Variants in HIPK1 observed in about 807,000 individuals in gnomAD.
The protein encoded by HIPK1 is homeodomain-interacting protein kinase 1.
In HIPK1, 28 loss-of-function variants were observed where a neutral mutation model predicts 117.1. The ratio of observed to expected loss-of-function variants is 0.24; its 90% CI spans 0.18 to 0.33. HIPK1 has a LOEUF of 0.33. Ranked by LOEUF, HIPK1 falls within the 10% of genes least tolerant of loss-of-function variation. The pLI, the probability that HIPK1 is intolerant of heterozygous loss-of-function variation, is 1.00. For missense variants in HIPK1, 1,122 were observed against 1,475.1 expected (o/e 0.76, Z 3.92); for synonymous variants, 605 against 562.5 (o/e 1.08, Z -1.07).
intron 3 of HIPK1, 165 bp from the exon 4 acceptor site, chr1:113,954,486 C>T (rs1671579065): frequency 1.6e-6 from 1 of 627,102 alleles, no homozygotes; most frequent in Non-Finnish European, 2.6e-6. Context: ...GATACAGTAG[C>T]TGTGGATGGA....
Position 113,941,753 on chromosome 1 carries a change from TTTTA to T in HIPK1, c.1076+315_1076+318del, listed in dbSNP as rs570216685. Among the ~76,000 whole-genome samples the T allele has an allele frequency of 2.6e-5, 4 of 151,808 alleles. No homozygotes were observed. Among genetic ancestry groups the T allele is most frequent in the East Asian group, 3.8e-4 (2 of 5,200 alleles). Reference sequence around the variant, plus strand: ...TTACCTCATTTTCCCATTTTATTTATTTTATTTATTTATTTATTTATTTAGAGAC... The same window carrying T: ...TTACCTCATTTTCCCATTTTATTTATTTTATTTATTTATTTATTTAGAGAC... On this transcript the variant is annotated intron_variant, in intron 2 of 15. Transcript: ENST00000426820. The surrounding 1 kb of genome is among the most constrained non-coding windows in gnomAD (Gnocchi z 4.9).
intron 15 of HIPK1, 150 bp from the exon 16 acceptor site, chr1:113,972,873 AT>A (rs1672929138): frequency 1.2e-5 from 9 of 770,030 alleles, no homozygotes; most frequent in African/African-American, 1.8e-5. Context: ...GGGGTGGCTG[AT>A]TTCTGACAGC....
intron 8 of HIPK1, among the ~76,000 whole-genome samples, chr1:113,961,409 TATCCTA>T (rs1672093273): frequency 6.6e-6 from 1 of 152,228 alleles, no homozygotes; most frequent in African/African-American, 2.4e-5. Flanking sequence ...AAAATATTCT[TATCCTA>T]GGCATAATTT....
chr1:113,956,761 C>G lies in HIPK1; in HGVS notation c.1542C>G (p.Asn514Lys). The change falls in exon 6 of 16, where the codon AAC (asparagine) becomes AAG (lysine). Residue 514 changes from asparagine to lysine, a missense_variant. Transcript: ENST00000426820. The stretch of plus-strand genomic sequence containing the variant: ...GAATTACCCCTCTAAAAACTCTTAA[C>G]CATCAGTTTGTGACAATGACTCACC... ...DKRITPLKTL[N>K]HQFVTMTHLL... is the part of the protein sequence containing the mutation. The G allele has an allele frequency of 6.2e-7, 1 of 1,614,080 alleles. No homozygotes were observed. The highest frequency in any genetic ancestry group is 1.1e-5 in the South Asian group (1 of 91,080).
At chr1:113,938,761 T>C (rs1284631587) in intron 1 of HIPK1, among the ~76,000 whole-genome samples, 3 of 151,396 alleles carry the variant, frequency 2.0e-5, no homozygotes, top group Non-Finnish European at 4.4e-5. Context: ...TACAAAAAAA[T>C]TAACTGGGTG....
At chr1:113,939,153 T>G (rs538786115) in intron 1 of HIPK1, among the ~76,000 whole-genome samples, 11 of 151,910 alleles carry the variant, frequency 7.2e-5, no homozygotes, top group Admixed American at 6.6e-4. Context: ...CAGACATCCC[T>G]AATTTTTTTT....
chr1:113,969,326 T>C (rs1350069859), intron 13 of HIPK1, among the ~76,000 whole-genome samples: 1 of 152,184 alleles, frequency 6.6e-6, no homozygotes, highest in East Asian at 1.9e-4. Context: ...AGTCATTCTG[T>C]CCTGGGTCTG....
intron 4 of HIPK1, 28 bp from the exon 5 acceptor site, chr1:113,955,535 T>C: frequency 7.8e-7 from 1 of 1,287,090 alleles, no homozygotes; most frequent in Non-Finnish European, 1.1e-6. Context: ...ACAGATGGAA[T>C]TTAAGGAGGA....
chr1:113,957,807 G>A (rs1671823397), intron 7 of HIPK1, among the ~76,000 whole-genome samples: 1 of 151,578 alleles, frequency 6.6e-6, no homozygotes, highest in African/African-American at 2.4e-5. Flanking sequence ...AATTTTTTGT[G>A]CAGAAGTAGT....
At chr1:113,960,070 G>C (rs1282772609) in intron 8 of HIPK1, among the ~76,000 whole-genome samples, 1 of 152,150 alleles carries the variant, frequency 6.6e-6, no homozygotes. Flanking sequence ...TCAGTTGCCA[G>C]CCATCACTAG....
chr1:113,949,249 A>G (rs1161391554), intron 2 of HIPK1, among the ~76,000 whole-genome samples: 4 of 152,186 alleles, frequency 2.6e-5, no homozygotes, highest in African/African-American at 9.7e-5. Flanking sequence ...AGCAAAATCA[A>G]TATGCTGCCC....
intron 3 of HIPK1, among the ~76,000 whole-genome samples, chr1:113,953,339 G>C (rs2101305716): frequency 6.6e-6 from 1 of 152,214 alleles, no homozygotes; most frequent in African/African-American, 2.4e-5. Context: ...TGACATACTG[G>C]GTCGCTAAGA....
intron 2 of HIPK1, among the ~76,000 whole-genome samples, chr1:113,948,924 G>GC (rs897499725): frequency 3.9e-5 from 6 of 152,072 alleles, no homozygotes; most frequent in African/African-American, 1.2e-4. Flanking sequence ...TGCAACCTCT[G>GC]CCCCCCGGGT....
At chr1:113,946,228 G>A (rs1670985804) in intron 2 of HIPK1, among the ~76,000 whole-genome samples, 1 of 152,122 alleles carries the variant, frequency 6.6e-6, no homozygotes, top group Non-Finnish European at 1.5e-5. Context: ...ATACTCTACA[G>A]GTGCACTGAA....
intron 4 of HIPK1, among the ~76,000 whole-genome samples, chr1:113,955,038 G>T (rs1403367716): frequency 1.3e-5 from 2 of 152,220 alleles, no homozygotes; most frequent in Non-Finnish European, 2.9e-5. Context: ...ACCATTAAGC[G>T]ATAGAACTAG....
chr1:113,955,528 G>A (rs764368531), intron 4 of HIPK1, 35 bp from the exon 5 acceptor site: 1 of 1,224,076 alleles, frequency 8.2e-7, no homozygotes, highest in Non-Finnish European at 1.2e-6. Context: ...ATAACATACA[G>A]ATGGAATTTA....
intron 2 of HIPK1, among the ~76,000 whole-genome samples, chr1:113,950,961 G>A (rs11102707): frequency 0.23 from 34,960 of 152,032 alleles, 4,122 homozygotes; most frequent in East Asian, 0.25. Context: ...CTTAAAAAAG[G>A]AAAAGCGCTG....
In HIPK1 at chr1:113,973,591, C is replaced by G. The variant is rs1342702698; in HGVS notation, c.*79C>G. 6.9e-7 allele frequency: 1 copy of G among 1,456,468 alleles called. No individual in the cohort carries two copies. The highest frequency in any genetic ancestry group is 1.4e-5 in the African/African-American group (1 of 70,524). The allele number at this position is 1,456,468 out of a possible 1,614,324, so 90.2% of individuals were successfully genotyped here. A position where few individuals can be genotyped will look rare whatever the true frequency, so the allele number is the denominator to read the frequency against. On this transcript the variant is annotated 3_prime_UTR_variant, in exon 16 of 16. Transcript: ENST00000426820. ...CTTAATATTGGGCTATGGAGAGATCCTCCTTTACCCTCTTGAAATTTCTTA... is the reference window on the plus strand; with the variant it reads ...CTTAATATTGGGCTATGGAGAGATCGTCCTTTACCCTCTTGAAATTTCTTA...
intron 11 of HIPK1, among the ~76,000 whole-genome samples, chr1:113,967,210 T>C (rs564501133): frequency 2.0e-5 from 3 of 152,370 alleles, no homozygotes; most frequent in South Asian, 2.1e-4. Flanking sequence ...CTCTTTGATA[T>C]ACTGATTTCC....
Sources: gnomAD v4.1 joint callset for allele counts (sites outside exome capture counted in the v4.1 genomes callset) on GRCh38, gnomAD v4.1.1 for gene constraint, Gnocchi (gnomAD v3.1) non-coding constraint, MANE v1.5 for transcripts, NCBI Gene and HGNC (gene_info 2026-07-23, HGNC 2026-07-21) for gene names.